CHD3: variants seen among roughly 807,000 people sequenced by gnomAD.
CHD3 encodes ATP-dependent chromatin remodeler CHD3.
Under a neutral mutation model 248.9 loss-of-function variants are expected in CHD3, and 52 were observed. The observed-to-expected ratio is 0.21, with a 90% CI of 0.17 to 0.26. The LOEUF (loss-of-function observed/expected upper bound fraction) is 0.26. Ranked by LOEUF, CHD3 falls within the 10% of genes least tolerant of loss-of-function variation. The probability of loss-of-function intolerance (pLI) is 1.00; values close to 1 mark genes in which losing one functional copy is unlikely to be tolerated. For missense variants in CHD3, 1,482 were observed against 2,605.8 expected (o/e 0.57, Z 9.39); for synonymous variants, 985 against 985.2 (o/e 1.00, Z 0.00).
upstream of CHD3, among the ~76,000 whole-genome samples, chr17:7,888,389 C>T (rs1968321912): frequency 6.6e-6 from 1 of 152,198 alleles, no homozygotes; most frequent in African/African-American, 2.4e-5. Context: ...TGTCCTAGAG[C>T]TAGGGGCTGG....
chr17:7,905,756 A>C lies in CHD3; in HGVS notation c.4224+50A>C, dbSNP rs1383552068. The C allele has an allele frequency of 6.2e-7, 1 of 1,612,920 alleles. No individual in the cohort carries two copies. The highest frequency in any genetic ancestry group is 2.2e-5 in the East Asian group (1 of 44,876). ...GAGTTCTCCAAGAGGGCATGAGGGC[A>C]GGAGGTTGGAAGTTGGTGCCTGGAT... On this transcript the variant is annotated intron_variant, in intron 27 of 39. Coordinates refer to ENST00000330494, the MANE Select transcript of CHD3 (RefSeq NM_001005273.3). This position sits in a 1 kb window ranked among gnomAD's most constrained non-coding sequence, Gnocchi z 5.8.
upstream of CHD3, among the ~76,000 whole-genome samples, chr17:7,885,538 C>T (rs1170056934): frequency 2.0e-5 from 3 of 151,314 alleles, no homozygotes; most frequent in Non-Finnish European, 4.4e-5. Flanking sequence ...GGCGGCCGGA[C>T]GGCGGCGTGG....
Position 7,904,372 on chromosome 17 carries a change from G to T in CHD3, c.3895-70G>T. 1 of 1,443,084 alleles carries T rather than the reference G, an allele frequency of 6.9e-7. No individual in the cohort carries two copies. Among genetic ancestry groups the T allele is most frequent in the South Asian group, 1.2e-5 (1 of 81,200 alleles). The allele number at this position is 1,443,084 out of a possible 1,614,324, so 89.4% of individuals were successfully genotyped here. A position where few individuals can be genotyped will look rare whatever the true frequency, so the allele number is the denominator to read the frequency against. ...GATTGGGCTGACGCAGCAGAGTAGGGATTTCCTTGCAGTGGAAGGATTAGC... is the reference window on the plus strand; with the variant it reads ...GATTGGGCTGACGCAGCAGAGTAGGTATTTCCTTGCAGTGGAAGGATTAGC... On this transcript the variant is annotated intron_variant, in intron 24 of 39. Coordinates refer to ENST00000330494, the MANE Select transcript of CHD3 (RefSeq NM_001005273.3). This position sits in a 1 kb window ranked among gnomAD's most constrained non-coding sequence, Gnocchi z 4.4.
In CHD3 at chr17:7,900,170, G is replaced by C; in HGVS notation, c.2683-120G>C. 1 of 1,536,944 alleles carries C rather than the reference G, an allele frequency of 6.5e-7. No individual in the cohort carries two copies. Among genetic ancestry groups the C allele is most frequent in the Non-Finnish European group, 8.8e-7 (1 of 1,130,406 alleles). On this transcript the variant is annotated intron_variant, in intron 16 of 39. Coordinates refer to ENST00000330494, the MANE Select transcript of CHD3 (RefSeq NM_001005273.3). The surrounding 1 kb of genome is among the most constrained non-coding windows in gnomAD (Gnocchi z 6.5). ...AGGTTGGAAGAGGGAGAGGGCCAGAGATTTGGGGCCTCTGATCCTGAGTGA... is the reference window on the plus strand; with the variant it reads ...AGGTTGGAAGAGGGAGAGGGCCAGACATTTGGGGCCTCTGATCCTGAGTGA...
rs1598011931 is a variant in CHD3, at chr17:7,910,067, C to T, written c.5591-361C>T. On this transcript the variant is annotated intron_variant, in intron 37 of 39. Transcript: ENST00000330494. The surrounding 1 kb of genome is among the most constrained non-coding windows in gnomAD (Gnocchi z 4.7). ...TATTTCCTCCCCATCATCCCCAACCCCAAACCTTGCTCTTCCAGTATGAGA... is the reference window on the plus strand; with the variant it reads ...TATTTCCTCCCCATCATCCCCAACCTCAAACCTTGCTCTTCCAGTATGAGA... 1 of 351,072 alleles carries T rather than the reference C, an allele frequency of 2.8e-6. No homozygotes were observed. Among genetic ancestry groups the T allele is most frequent in the East Asian group, 7.6e-5 (1 of 13,110 alleles). 21.7% of individuals were successfully genotyped at this position (351,072 alleles called of 1,614,324 possible).
rs148141006 is a variant in CHD3, at chr17:7,911,972, G to T, written c.*387G>T. 8 of 341,858 alleles carry T rather than the reference G, an allele frequency of 2.3e-5. No individual in the cohort carries two copies. In the Admixed American group the frequency reaches 3.3e-4, roughly 14 times the overall value. The allele number at this position is 341,858 out of a possible 1,614,324, so 21.2% of individuals were successfully genotyped here. ...CAGCTCTGTCTCATGTGGAAGTGGAGAATCAGCCTTGCCTGGCCTTTAGGA... is the reference window on the plus strand; with the variant it reads ...CAGCTCTGTCTCATGTGGAAGTGGATAATCAGCCTTGCCTGGCCTTTAGGA... On this transcript the variant is annotated 3_prime_UTR_variant, in exon 40 of 40. Transcript: ENST00000330494. The surrounding 1 kb of genome is among the most constrained non-coding windows in gnomAD (Gnocchi z 5.4).
chr17:7,885,170 G>C (rs1202614662), upstream of CHD3: 1 of 980,788 alleles, frequency 1.0e-6, no homozygotes, highest in Non-Finnish European at 1.2e-6. Flanking sequence ...CCCACCGCGC[G>C]GCCGAGCCGA....
chr17:7,908,069 C>T lies in CHD3; in HGVS notation c.5152+50C>T. The T allele has an allele frequency of 6.5e-7, 1 of 1,538,860 alleles. No individual in the cohort carries two copies. The highest frequency in any genetic ancestry group is 8.8e-7 in the Non-Finnish European group (1 of 1,141,784). ...TGCTCCTCAAGGGGATCTGCTCATCCTCATGGGGTTTCTCGTTTTGCCTGA... is the reference window on the plus strand; with the variant it reads ...TGCTCCTCAAGGGGATCTGCTCATCTTCATGGGGTTTCTCGTTTTGCCTGA... On this transcript the variant is annotated intron_variant, in intron 34 of 39. Coordinates refer to ENST00000330494, the MANE Select transcript of CHD3 (RefSeq NM_001005273.3). This position sits in a 1 kb window ranked among gnomAD's most constrained non-coding sequence, Gnocchi z 5.8.
At chr17:7,890,204 G>A (rs1405221804) in intron 2 of CHD3, among the ~76,000 whole-genome samples, 2 of 152,300 alleles carry the variant, frequency 1.3e-5, no homozygotes, top group East Asian at 1.9e-4. Context: ...GCTGAGCCGG[G>A]TAGATCATTT....
chr17:7,905,592 C>T lies in CHD3; in HGVS notation c.4139-29C>T, dbSNP rs1306195250. The stretch of plus-strand genomic sequence containing the variant: ...CTGAGGCTTAGAGGAGGTGGTGGCT[C>T]AGCTAACTGATGTCATCCCCACCCT... On this transcript the variant is annotated intron_variant, in intron 26 of 39. Transcript: ENST00000330494. This position sits in a 1 kb window ranked among gnomAD's most constrained non-coding sequence, Gnocchi z 5.8. 5 of 1,532,608 alleles carry T rather than the reference C, an allele frequency of 3.3e-6. No individual in the cohort carries two copies. Among genetic ancestry groups the T allele is most frequent in the East Asian group, 4.7e-5 (2 of 42,932 alleles). 94.9% of individuals were successfully genotyped at this position (1,532,608 alleles called of 1,614,324 possible). A position where few individuals can be genotyped will look rare whatever the true frequency, so the allele number is the denominator to read the frequency against.
intron 10 of CHD3, among the ~76,000 whole-genome samples, chr17:7,896,541 G>GCT (rs1969687357): frequency 6.6e-6 from 1 of 151,772 alleles, no homozygotes; most frequent in Non-Finnish European, 1.5e-5. Context: ...AAGTAGCTGG[G>GCT]ATTACAGGCA....
Position 7,904,270 on chromosome 17 carries a change from G to A in CHD3, c.3895-172G>A. On this transcript the variant is annotated intron_variant, in intron 24 of 39. Coordinates refer to ENST00000330494, the MANE Select transcript of CHD3 (RefSeq NM_001005273.3). The surrounding 1 kb of genome is among the most constrained non-coding windows in gnomAD (Gnocchi z 4.4). The stretch of plus-strand genomic sequence containing the variant: ...AAAACATGAGGAGAGCACATTGCAG[G>A]TAAGAGATGGCATGGAACATGCGCA... The A allele has an allele frequency of 1.5e-6, 1 of 646,456 alleles. No homozygotes were observed. The highest frequency in any genetic ancestry group is 2.0e-5 in the South Asian group (1 of 51,068). The allele number at this position is 646,456 out of a possible 1,614,324, so 40.0% of individuals were successfully genotyped here. A position where few individuals can be genotyped will look rare whatever the true frequency, so the allele number is the denominator to read the frequency against.
Position 7,895,167 on chromosome 17 carries a change from C to G in CHD3, c.1503+17C>G. The stretch of plus-strand genomic sequence containing the variant: ...CGATGCACAGTGAGTGGAAACATCT[C>G]CCCTCTGTATTTACTGTCAGGCCTG... On this transcript the variant is annotated intron_variant, in intron 9 of 39. Coordinates refer to ENST00000330494, the MANE Select transcript of CHD3 (RefSeq NM_001005273.3). The surrounding 1 kb of genome is among the most constrained non-coding windows in gnomAD (Gnocchi z 4.9). 2 of 1,611,306 alleles carry G rather than the reference C, an allele frequency of 1.2e-6. No individual in the cohort carries two copies. Among genetic ancestry groups the G allele is most frequent in the Non-Finnish European group, 1.7e-6 (2 of 1,178,334 alleles).
chr17:7,904,755 G>T lies in CHD3; in HGVS notation c.4072+136G>T. On this transcript the variant is annotated intron_variant, in intron 25 of 39. Coordinates refer to ENST00000330494, the MANE Select transcript of CHD3 (RefSeq NM_001005273.3). The surrounding 1 kb of genome is among the most constrained non-coding windows in gnomAD (Gnocchi z 4.4). Reference sequence around the variant, plus strand: ...CCTCTGCTAAAAGGGAAAGACATAAGGTAGAGTCATTAGGAACTACCCAGA... The same window carrying T: ...CCTCTGCTAAAAGGGAAAGACATAATGTAGAGTCATTAGGAACTACCCAGA... The T allele has an allele frequency of 1.1e-6, 1 of 895,814 alleles. No individual in the cohort carries two copies. Among genetic ancestry groups the T allele is most frequent in the East Asian group, 2.7e-5 (1 of 37,524 alleles). The allele number at this position is 895,814 out of a possible 1,614,324, so 55.5% of individuals were successfully genotyped here.
Position 7,908,411 on chromosome 17 carries a change from C to G in CHD3, c.5162C>G (p.Thr1721Arg). 6.2e-7 allele frequency: 1 copy of G among 1,613,102 alleles called. No homozygotes were observed. Among genetic ancestry groups the G allele is most frequent in the African/African-American group, 1.3e-5 (1 of 75,038 alleles). ...GCTGCCTTCTTTGCAGAGCTTCACA[C>G]ACTGTGGCAGAATGAGGAACGGGCA... ...IADGGFTELHTLWQNEERAAI... is the reference protein window; with the variant it reads ...IADGGFTELHRLWQNEERAAI... The change falls in exon 35 of 40, where the codon ACA (threonine) becomes AGA (arginine). Residue 1721 changes from threonine (T) to arginine (R), a missense_variant. Thr to Arg is a moderately conservative substitution (Grantham distance 71, BLOSUM62 -1). Around this residue, in one of 20 missense-constraint regions of CHD3, gnomAD observed 36 missense variants for 70.4 expected, o/e 0.51. Transcript: ENST00000330494. The surrounding 1 kb of genome is among the most constrained non-coding windows in gnomAD (Gnocchi z 5.8).
At position 7,909,461 on chromosome 17, in the gene CHD3, C is replaced by T; in HGVS notation, c.5590+123C>T. ...ACCTGCTGAACCATCCCCCTCTGAC[C>T]TCTAACCCCACTCCTACCGACCTGG... On this transcript the variant is annotated intron_variant, in intron 37 of 39. Coordinates refer to ENST00000330494, the MANE Select transcript of CHD3 (RefSeq NM_001005273.3). The surrounding 1 kb of genome is among the most constrained non-coding windows in gnomAD (Gnocchi z 8.1). 1 of 1,356,332 alleles carries T rather than the reference C, an allele frequency of 7.4e-7. No individual in the cohort carries two copies. The highest frequency in any genetic ancestry group is 1.5e-5 in the South Asian group (1 of 65,738). The allele number at this position is 1,356,332 out of a possible 1,614,324, so 84.0% of individuals were successfully genotyped here.
chr17:7,884,935 T>A (rs1396427991), upstream of CHD3: 8 of 1,348,602 alleles, frequency 5.9e-6, no homozygotes, highest in Non-Finnish European at 7.7e-6. Flanking sequence ...ACGAGGACGA[T>A]GAGGAGGACG....
At chr17:7,886,964 A>C (rs771045107), upstream of CHD3, among the ~76,000 whole-genome samples, 30 of 151,924 alleles carry the variant, frequency 2.0e-4, no homozygotes, top group Non-Finnish European at 3.7e-4. The surrounding 1 kb of genome is among the most constrained non-coding windows in gnomAD (Gnocchi z 4.2). Flanking sequence ...GGCTGCTTAC[A>C]TTTTACAACT....
At position 7,903,878 on chromosome 17, in the gene CHD3, G is replaced by A. The variant is rs752365619; in HGVS notation, c.3781G>A (p.Ala1261Thr). Residue 1261 changes from alanine (A) to threonine (T), a missense_variant, in exon 24 of 40, where the codon GCT becomes ACT. Physicochemically the swap from Ala to Thr is moderately conservative, Grantham distance 58. This residue lies in a region of CHD3 where 156 missense variants were observed against 420.3 expected (regional missense o/e 0.37). Coordinates refer to ENST00000330494, the MANE Select transcript of CHD3 (RefSeq NM_001005273.3). This position sits in a 1 kb window ranked among gnomAD's most constrained non-coding sequence, Gnocchi z 6.8. ...SVIHYDNEAI[A>T]RLLDRNQDAT... ...GATTCATTATGACAATGAGGCCATC[G>A]CTCGGCTGTTGGACCGGAACCAGGA... is the stretch of plus-strand genomic sequence containing the variant. 3.7e-6 allele frequency: 6 copies of A among 1,614,030 alleles called. No homozygotes were observed. Among genetic ancestry groups the A allele is most frequent in the Middle Eastern group, 1.6e-4 (1 of 6,084 alleles).
Sources: gnomAD v4.1 joint callset for allele counts (sites outside exome capture counted in the v4.1 genomes callset) on GRCh38, gnomAD v4.1.1 for gene constraint, gnomAD v4.1.1 regional missense constraint, Gnocchi (gnomAD v3.1) non-coding constraint, MANE v1.5 for transcripts, NCBI Gene and HGNC (gene_info 2026-07-23, HGNC 2026-07-21) for gene names.